The following COLEC12 variants were observed in gnomAD, a reference collection of about 807,000 sequenced individuals.
COLEC12 encodes the protein collectin-12.
In COLEC12, 33 loss-of-function variants were observed where a neutral mutation model predicts 71.1. That is an observed-to-expected ratio of 0.46 (90% CI 0.35 to 0.62). COLEC12 has a LOEUF of 0.62. Ranked by LOEUF, COLEC12 falls within the 20% of genes least tolerant of loss-of-function variation. The probability of loss-of-function intolerance (pLI) is 0.00; values close to 1 mark genes in which losing one functional copy is unlikely to be tolerated. For missense variants in COLEC12, 765 were observed against 916.1 expected (o/e 0.84, Z 2.13); for synonymous variants, 350 against 353.0 (o/e 0.99, Z 0.10).
In COLEC12 at chr18:373,971, T is replaced by C. The variant is rs138798516; in HGVS notation, c.59-16449A>G. Among the ~76,000 whole-genome samples, 4 of 152,334 alleles carry C rather than the reference T, an allele frequency of 2.6e-5. No individual in the cohort carries two copies. The East Asian group carries it at 7.7e-4, about 29-fold the overall frequency. On this transcript the variant is annotated intron_variant, in intron 2 of 9. Coordinates refer to ENST00000400256, the MANE Select transcript of COLEC12 (RefSeq NM_130386.3). ...GGCCTCCTCTTGCATGCAGGCCCTG[T>C]TCCACAAATGACTCCAGGGGATAAG...
intron 2 of COLEC12, among the ~76,000 whole-genome samples, chr18:421,351 C>A: frequency 6.6e-6 from 1 of 152,070 alleles, no homozygotes; most frequent in Non-Finnish European, 1.5e-5. Flanking sequence ...GTCAGATCTC[C>A]CATTGTCTGT....
At chr18:442,477 G>T (rs1598365169) in intron 2 of COLEC12, among the ~76,000 whole-genome samples, 2 of 152,212 alleles carry the variant, frequency 1.3e-5, no homozygotes, top group African/African-American at 4.8e-5. Flanking sequence ...CCTCAGTAAG[G>T]AAGGTTCAGC....
At chr18:370,798 C>G (rs1434857607) in intron 2 of COLEC12, among the ~76,000 whole-genome samples, 1 of 152,094 alleles carries the variant, frequency 6.6e-6, no homozygotes, top group East Asian at 1.9e-4. Context: ...CCTGGGGCAG[C>G]CAGGCCTCTC....
At chr18:482,516 G>A (rs1405208567) in intron 1 of COLEC12, among the ~76,000 whole-genome samples, 1 of 152,136 alleles carries the variant, frequency 6.6e-6, no homozygotes, top group Non-Finnish European at 1.5e-5. Context: ...TTCTCTCACA[G>A]GCAACTCAGC....
At chr18:411,160 G>A (rs1231416872) in intron 2 of COLEC12, among the ~76,000 whole-genome samples, 2 of 152,228 alleles carry the variant, frequency 1.3e-5, no homozygotes, top group East Asian at 3.8e-4. Context: ...TGGAGATCCA[G>A]TAGAAACCTG....
chr18:482,794 G>T (rs1473584678), intron 1 of COLEC12, among the ~76,000 whole-genome samples: 2 of 151,562 alleles, frequency 1.3e-5, no homozygotes, highest in Non-Finnish European at 1.5e-5. Context: ...TGTATTTTTA[G>T]TAGAGATGGG....
At chr18:378,967 G>A (rs1413489006) in intron 2 of COLEC12, among the ~76,000 whole-genome samples, 1 of 152,088 alleles carries the variant, frequency 6.6e-6, no homozygotes, top group African/African-American at 2.4e-5. Context: ...AATCCTGAAT[G>A]GCCTTGGGTG....
At chr18:375,189 A>G (rs1687377627) in intron 2 of COLEC12, among the ~76,000 whole-genome samples, 1 of 152,128 alleles carries the variant, frequency 6.6e-6, no homozygotes, top group African/African-American at 2.4e-5. Context: ...CCTGAGAGAA[A>G]GAGCTGAGGT....
At chr18:481,082 TCA>T (rs1917406808) in intron 1 of COLEC12, among the ~76,000 whole-genome samples, 1 of 152,190 alleles carries the variant, frequency 6.6e-6, no homozygotes, top group Non-Finnish European at 1.5e-5. Flanking sequence ...GATATCTTCC[TCA>T]CATGTGTGCG....
At chr18:355,434 G>C (rs1408513406) in intron 3 of COLEC12, among the ~76,000 whole-genome samples, 16 of 152,124 alleles carry the variant, frequency 1.1e-4, no homozygotes, top group Non-Finnish European at 1.0e-4. Flanking sequence ...CAACACGCCA[G>C]AGCCAGGAAG....
chr18:433,074 GA>G (rs1234330777), intron 2 of COLEC12, among the ~76,000 whole-genome samples: 1 of 152,164 alleles, frequency 6.6e-6, no homozygotes, highest in Admixed American at 6.5e-5. Context: ...TGACTATCTT[GA>G]GATCATTTTC....
At chr18:390,518 T>C (rs752555942) in intron 2 of COLEC12, among the ~76,000 whole-genome samples, 7 of 152,070 alleles carry the variant, frequency 4.6e-5, no homozygotes, top group African/African-American at 1.4e-4. Flanking sequence ...TCCCAGCACT[T>C]TGGGAGGCAA....
rs1210400353 is a variant in COLEC12 at position 480,439 on chromosome 18, A to T, written c.58+268T>A. 6.6e-6 allele frequency among the ~76,000 whole-genome samples: 1 copy of T among 152,184 alleles called. No individual in the cohort carries two copies. The highest frequency in any genetic ancestry group is 1.5e-5 in the Non-Finnish European group (1 of 68,020). On this transcript the variant is annotated intron_variant, in intron 2 of 9. Coordinates refer to ENST00000400256, the MANE Select transcript of COLEC12 (RefSeq NM_130386.3). This position sits in a 1 kb window ranked among gnomAD's most constrained non-coding sequence, Gnocchi z 4.1. ...CCTTTCCCGCTACACTTTGTCTAGT[A>T]GGCTGTCTCTTTTCCATTCAGCAGA... is the stretch of plus-strand genomic sequence containing the variant.
At chr18:466,427 C>T (rs1300643010) in intron 2 of COLEC12, among the ~76,000 whole-genome samples, 2 of 152,118 alleles carry the variant, frequency 1.3e-5, no homozygotes, top group African/African-American at 2.4e-5. Flanking sequence ...GCAGACTATC[C>T]GTGCTCTGTT....
At chr18:468,640 T>C (rs1917134456) in intron 2 of COLEC12, among the ~76,000 whole-genome samples, 1 of 152,234 alleles carries the variant, frequency 6.6e-6, no homozygotes, top group Non-Finnish European at 1.5e-5. Context: ...TGTCTTTCTC[T>C]CTTAGTAAAT....
chr18:429,384 CTT>C, intron 2 of COLEC12, among the ~76,000 whole-genome samples: 1 of 145,008 alleles, frequency 6.9e-6, no homozygotes, highest in African/African-American at 2.5e-5. Context: ...TTCTTTTTTT[CTT>C]TCTTTTTTTT....
intron 8 of COLEC12, among the ~76,000 whole-genome samples, chr18:323,162 T>C (rs1913755286): frequency 6.6e-6 from 1 of 151,886 alleles, no homozygotes; most frequent in African/African-American, 2.4e-5. Context: ...GAGGTGGAGG[T>C]TTGCAGTGAG....
intron 3 of COLEC12, among the ~76,000 whole-genome samples, chr18:353,687 G>A (rs1429161963): frequency 6.6e-6 from 1 of 152,180 alleles, no homozygotes; most frequent in African/African-American, 2.4e-5. Context: ...CTCCTAGCTG[G>A]TGCTCACACG....
intron 2 of COLEC12, among the ~76,000 whole-genome samples, chr18:371,951 C>T (rs1305963477): frequency 2.6e-5 from 4 of 152,278 alleles, no homozygotes; most frequent in Admixed American, 2.0e-4. Flanking sequence ...CGATCAAGTA[C>T]GTGAGTTCTG....
Sources: gnomAD v4.1 joint callset for allele counts (sites outside exome capture counted in the v4.1 genomes callset) on GRCh38, gnomAD v4.1.1 for gene constraint, Gnocchi (gnomAD v3.1) non-coding constraint, MANE v1.5 for transcripts, NCBI Gene and HGNC (gene_info 2026-07-23, HGNC 2026-07-21) for gene names.